The following RCSD1 variants were observed in gnomAD, a reference collection of about 807,000 sequenced individuals.
RCSD1 encodes RCSD domain containing 1, also known as capZ-interacting protein.
A neutral mutation model predicts 42.5 loss-of-function variants in RCSD1; 26 were observed. The ratio of observed to expected loss-of-function variants is 0.61; its 90% CI spans 0.45 to 0.85. The LOEUF is 0.85. Among genes scored for constraint, RCSD1 ranks in the 40% least tolerant of loss-of-function variants. The pLI is 0.00. For synonymous variants in RCSD1, 220 were observed against 212.2 expected (o/e 1.04, Z -0.32); for missense variants, 571 against 528.3 (o/e 1.08, Z -0.79).
At chr1:167,677,287 C>T (rs1490108730) in intron 1 of RCSD1, among the ~76,000 whole-genome samples, 3 of 152,096 alleles carry the variant, frequency 2.0e-5, no homozygotes, top group Non-Finnish European at 2.9e-5. Flanking sequence ...TTAAATGACC[C>T]GACAATGTGG....
At chr1:167,663,956 T>G (rs1047214949) in intron 1 of RCSD1, 3 of 152,226 alleles carry the variant, frequency 2.0e-5, no homozygotes, top group African/African-American at 7.2e-5. Flanking sequence ...ATGTTTATTT[T>G]ACAAGTGGGG....
intron 1 of RCSD1, among the ~76,000 whole-genome samples, chr1:167,657,889 A>T (rs1658457516): frequency 6.9e-6 from 1 of 145,774 alleles, no homozygotes; most frequent in South Asian, 2.1e-4. Context: ...TAGTTTACTC[A>T]TGCACACACA....
intron 1 of RCSD1, among the ~76,000 whole-genome samples, chr1:167,671,434 G>A (rs1057202513): frequency 3.3e-5 from 5 of 152,094 alleles, no homozygotes; most frequent in East Asian, 1.9e-4. Flanking sequence ...ATTTCACCCC[G>A]GAAGGGGCCA....
In RCSD1 at chr1:167,653,096, C is replaced by G. The variant is rs116832421; in HGVS notation, c.6+22667C>G. ...ACAATTTTCGCCATAATCCTGGCAGCCTTTTATCATTATTACATATTTCTG... is the reference window on the plus strand; with the variant it reads ...ACAATTTTCGCCATAATCCTGGCAGGCTTTTATCATTATTACATATTTCTG... On this transcript the variant is annotated intron_variant, in intron 1 of 6. Coordinates refer to ENST00000367854, the MANE Select transcript of RCSD1 (RefSeq NM_052862.4). 7.5e-3 allele frequency among the ~76,000 whole-genome samples: 1,141 copies of G among 152,294 alleles called. 14 individuals are homozygous for G. Among genetic ancestry groups the G allele is most frequent in the African/African-American group, 0.026 (1,097 of 41,558 alleles).
At chr1:167,634,165 CT>C (rs2102191874) in intron 1 of RCSD1, among the ~76,000 whole-genome samples, 1 of 152,342 alleles carries the variant, frequency 6.6e-6, no homozygotes, top group East Asian at 1.9e-4. Context: ...CTCTGGAAGG[CT>C]TCTGTGAAGC....
At position 167,655,279 on chromosome 1, in the gene RCSD1, C is replaced by T. The variant is rs188618507; in HGVS notation, c.6+24850C>T. On this transcript the variant is annotated intron_variant, in intron 1 of 6. Coordinates refer to ENST00000367854, the MANE Select transcript of RCSD1 (RefSeq NM_052862.4). ...CATCTCTGCCTGGGGAGGGTTGGCC[C>T]ACAGGAGAGAGGTGCTTTGCAGAGA... Among the ~76,000 whole-genome samples the T allele has an allele frequency of 5.1e-4, 77 of 152,270 alleles. 1 individual carries two copies. Among genetic ancestry groups the T allele is most frequent in the African/African-American group, 1.7e-3 (70 of 41,552 alleles).
intron 1 of RCSD1, among the ~76,000 whole-genome samples, chr1:167,648,941 C>G (rs1257262438): frequency 1.3e-5 from 2 of 152,184 alleles, no homozygotes; most frequent in East Asian, 3.8e-4. Flanking sequence ...GCTGGGAATT[C>G]TGGACACAAA....
At chr1:167,635,533 G>A (rs1040968436) in intron 1 of RCSD1, among the ~76,000 whole-genome samples, 1 of 152,204 alleles carries the variant, frequency 6.6e-6, no homozygotes, top group Non-Finnish European at 1.5e-5. Flanking sequence ...ACAGCACTGC[G>A]AGCCAGAGCT....
intron 1 of RCSD1, among the ~76,000 whole-genome samples, chr1:167,673,947 T>C (rs7511842): frequency 0.068 from 10,290 of 152,292 alleles, 391 homozygotes; most frequent in Non-Finnish European, 0.086. Flanking sequence ...TAACTACCCC[T>C]TCTCCTGAGC....
Position 167,683,991 on chromosome 1 carries a change from C to T in RCSD1, c.98C>T (p.Ala33Val), listed in dbSNP as rs780671010. The change falls in exon 2 of 7, where the codon GCA (alanine) becomes GTA (valine). Residue 33 changes from alanine to valine, a missense_variant. Ala to Val is a moderately conservative substitution (Grantham distance 64, BLOSUM62 0). Coordinates refer to ENST00000367854, the MANE Select transcript of RCSD1 (RefSeq NM_052862.4). ...GGGCGGTTTAGGGAGCAGGCGGCTG[C>T]AGCCAAGGAGGTGAGTCAGGCCGCT... ...LAGRFREQAA[A>V]AKETPASKPT... 1.4e-5 allele frequency: 23 copies of T among 1,613,178 alleles called. No individual in the cohort carries two copies. The Admixed American group carries it at 3.0e-4, about 21-fold the overall frequency.
intron 1 of RCSD1, among the ~76,000 whole-genome samples, chr1:167,652,549 A>G (rs185418143): frequency 4.6e-4 from 70 of 152,344 alleles, no homozygotes; most frequent in Non-Finnish European, 7.6e-4. Flanking sequence ...GCCCCAGCAG[A>G]GGACACACAT....
intron 1 of RCSD1, among the ~76,000 whole-genome samples, chr1:167,639,086 A>G (rs186802568): frequency 5.4e-4 from 82 of 152,202 alleles, no homozygotes; most frequent in African/African-American, 9.4e-4. Context: ...GCATGGTGGC[A>G]GGCACCTGTA....
chr1:167,649,947 C>A (rs1412556583), intron 1 of RCSD1, among the ~76,000 whole-genome samples: 1 of 152,116 alleles, frequency 6.6e-6, no homozygotes, highest in Non-Finnish European at 1.5e-5. Context: ...CTGTGTGTGT[C>A]CATGTGTGTG....
intron 1 of RCSD1, among the ~76,000 whole-genome samples, chr1:167,674,089 C>T (rs950104378): frequency 3.3e-5 from 5 of 152,224 alleles, no homozygotes; most frequent in African/African-American, 1.2e-4. Context: ...TTCATCTTTA[C>T]ATCCCCACAT....
intron 1 of RCSD1, among the ~76,000 whole-genome samples, chr1:167,675,512 T>G (rs72697721): frequency 0.13 from 19,576 of 151,982 alleles, 1,779 homozygotes; most frequent in African/African-American, 0.26. Context: ...TGAGAATTAT[T>G]AGAGCTAGAA....
rs530447750 is a variant in RCSD1, at chr1:167,674,938, G to C, written c.7-8962G>C. Among the ~76,000 whole-genome samples the C allele has an allele frequency of 5.9e-5, 9 of 152,202 alleles. No homozygotes were observed. The East Asian group carries it at 1.7e-3, about 29-fold the overall frequency. ...AAAGACATATCCAGCCGGGTGCGGT[G>C]GCTCACACCTGTAATCCCAGCACTT... On this transcript the variant is annotated intron_variant, in intron 1 of 6. Coordinates refer to ENST00000367854, the MANE Select transcript of RCSD1 (RefSeq NM_052862.4).
At chr1:167,648,312 G>C (rs1462856899) in intron 1 of RCSD1, among the ~76,000 whole-genome samples, 1 of 152,064 alleles carries the variant, frequency 6.6e-6, no homozygotes, top group Non-Finnish European at 1.5e-5. Flanking sequence ...TCCTTCTTTT[G>C]AATTATTTCT....
Position 167,682,668 on chromosome 1 carries a change from AGTGTGTGTGTGTGT to A in RCSD1, c.7-1203_7-1190del, listed in dbSNP as rs10607777. 1.3e-3 allele frequency among the ~76,000 whole-genome samples: 183 copies of A among 142,696 alleles called. 1 individual carries two copies. The highest frequency in any genetic ancestry group is 2.1e-3 in the Non-Finnish European group (136 of 65,436). The allele number at this position is 142,696 out of a possible 152,430, so 93.6% of individuals were successfully genotyped here. ...TAGCACAAAAGGAGGGCCATGGAAG[AGTGTGTGTGTGTGT>A]GTGTGTGTGTGTGTGTGTGTGTGTG... On this transcript the variant is annotated intron_variant, in intron 1 of 6. Transcript: ENST00000367854.
chr1:167,680,245 G>A (rs1659046080), intron 1 of RCSD1, among the ~76,000 whole-genome samples: 1 of 151,950 alleles, frequency 6.6e-6, no homozygotes, highest in African/African-American at 2.4e-5. Flanking sequence ...AAGAAGAAAG[G>A]ACAAGCTGAA....
Sources: allele counts gnomAD v4.1 joint callset (sites outside exome capture counted in the v4.1 genomes callset), GRCh38; gene constraint gnomAD v4.1.1; transcripts MANE v1.5; gene names NCBI Gene and HGNC (gene_info 2026-07-23, HGNC 2026-07-21).